Variants in PPP2R5E observed in about 807,000 individuals in gnomAD.
PPP2R5E encodes protein phosphatase 2 regulatory subunit B'epsilon.
PPP2R5E carries 4 observed loss-of-function variants against 65.3 expected under a neutral mutation model. The observed-to-expected ratio is 0.06, with a 90% CI of 0.03 to 0.14. PPP2R5E has a LOEUF of 0.14. Ranked by LOEUF, PPP2R5E falls within the 10% of genes least tolerant of loss-of-function variation. The probability of loss-of-function intolerance (pLI) is 1.00; values close to 1 mark genes in which losing one functional copy is unlikely to be tolerated. For synonymous variants in PPP2R5E, 183 were observed against 187.4 expected, an observed-to-expected ratio of 0.98 and a Z score of 0.19; for missense variants, 274 against 556.1, an observed-to-expected ratio of 0.49 and a Z score of 5.10.
At chr14:63,396,533 T>C in intron 6 of PPP2R5E, 53 bp downstream of exon 6, 11 of 1,590,294 alleles carry the variant, frequency 6.9e-6, no homozygotes, top group Non-Finnish European at 9.4e-6. Flanking sequence ...TACTTAATAC[T>C]CATAAAAACA....
intron 2 of PPP2R5E, among the ~76,000 whole-genome samples, chr14:63,494,531 G>A (rs559726829): frequency 6.7e-6 from 1 of 150,192 alleles, no homozygotes; most frequent in African/African-American, 2.5e-5. Flanking sequence ...CACCGCGCCC[G>A]GCTGTACAGC....
At chr14:63,503,101 A>C (rs1036764683) in intron 2 of PPP2R5E, among the ~76,000 whole-genome samples, 1 of 152,208 alleles carries the variant, frequency 6.6e-6, no homozygotes, top group African/African-American at 2.4e-5. Context: ...AGCAATACAG[A>C]CCATAAATAA....
chr14:63,419,930 G>C (rs1038015855), intron 4 of PPP2R5E, among the ~76,000 whole-genome samples: 6 of 152,162 alleles, frequency 3.9e-5, no homozygotes, highest in African/African-American at 1.4e-4. Flanking sequence ...TAATATTCCT[G>C]CAGTAATGAC....
At chr14:63,457,598 G>A (rs1241266653) in intron 2 of PPP2R5E, among the ~76,000 whole-genome samples, 2 of 152,172 alleles carry the variant, frequency 1.3e-5, no homozygotes, top group South Asian at 4.1e-4. Context: ...ACCAGGCAGT[G>A]GATGCTTCCG....
At chr14:63,399,537 A>G (rs951777373) in intron 5 of PPP2R5E, among the ~76,000 whole-genome samples, 6 of 151,576 alleles carry the variant, frequency 4.0e-5, no homozygotes, top group African/African-American at 1.5e-4. Flanking sequence ...GATGATAAAA[A>G]CATCCTGCAA....
rs964853433 is a variant in PPP2R5E at position 63,393,746 on chromosome 14, A to C, written c.849+74T>G. ...AAACCAAAAAAACAAAATGAAGGTT[A>C]TATCAATATCAAAAAAACGAGTTTG... On this transcript the variant is annotated intron_variant, in intron 8 of 13. Transcript: ENST00000337537. The C allele has an allele frequency of 1.6e-5, 16 of 1,000,358 alleles. No individual in the cohort carries two copies. In the Admixed American group the frequency reaches 2.8e-4, roughly 18 times the overall value. 62.0% of individuals were successfully genotyped at this position (1,000,358 alleles called of 1,614,324 possible).
At chr14:63,477,272 A>G (rs1890457472) in intron 2 of PPP2R5E, among the ~76,000 whole-genome samples, 1 of 152,190 alleles carries the variant, frequency 6.6e-6, no homozygotes, top group African/African-American at 2.4e-5. Context: ...TAGTAATATT[A>G]AATAATATAA....
chr14:63,391,626 T>C (rs1049803541), intron 10 of PPP2R5E, among the ~76,000 whole-genome samples, 191 bp downstream of exon 10: 4 of 152,188 alleles, frequency 2.6e-5, no homozygotes, highest in Non-Finnish European at 5.9e-5. Context: ...TTTCTCCATG[T>C]TGGTCAGGCT....
chr14:63,393,938 A>C lies in PPP2R5E; in HGVS notation c.741-10T>G. ...AAAGCCATTGATAATACTAGGGAGA[A>C]AAAAGAGACACAAATTAGCAATGTT... is the stretch of plus-strand genomic sequence containing the variant. On this transcript the variant is annotated splice_polypyrimidine_tract_variant and intron_variant, in intron 7 of 13. Transcript: ENST00000337537. 1 of 1,492,492 alleles carries C rather than the reference A, an allele frequency of 6.7e-7. No homozygotes were observed. The highest frequency in any genetic ancestry group is 9.3e-7 in the Non-Finnish European group (1 of 1,071,870). The allele number at this position is 1,492,492 out of a possible 1,614,324, so 92.5% of individuals were successfully genotyped here. A position where few individuals can be genotyped will look rare whatever the true frequency, so the allele number is the denominator to read the frequency against.
chr14:63,539,490 C>G (rs773580289), intron 2 of PPP2R5E, 39 bp downstream of exon 2: 1 of 1,586,210 alleles, frequency 6.3e-7, no homozygotes, highest in African/African-American at 1.4e-5. Context: ...GTAGAAAGAT[C>G]AATTGAAAAA....
At chr14:63,445,205 C>T (rs1287113338) in intron 3 of PPP2R5E, among the ~76,000 whole-genome samples, 4 of 152,182 alleles carry the variant, frequency 2.6e-5, no homozygotes, top group Admixed American at 6.5e-5. Context: ...TTTTGCTTTA[C>T]AGGCACACCT....
chr14:63,387,023 A>C (rs1884714077), intron 11 of PPP2R5E, among the ~76,000 whole-genome samples: 1 of 152,134 alleles, frequency 6.6e-6, no homozygotes, highest in Non-Finnish European at 1.5e-5. Context: ...GAGGGCATTA[A>C]GGAAAGGAGG....
Position 63,371,652 on chromosome 14 carries a change from G to A in PPP2R5E, c.*4357C>T, listed in dbSNP as rs1883694834. 1 of 152,038 alleles carries A rather than the reference G, an allele frequency of 6.6e-6. No individual in the cohort carries two copies. The highest frequency in any genetic ancestry group is 2.4e-5 in the African/African-American group (1 of 41,386). The allele number at this position is 152,038 out of a possible 1,614,324, so 9.4% of individuals were successfully genotyped here. On this transcript the variant is annotated 3_prime_UTR_variant, in exon 14 of 14. Transcript: ENST00000337537. ...GTGGATCAGAAGTCTTCACTGTCTG[G>A]TTGAACCAGTCTATAATTTTCATAT... is the stretch of plus-strand genomic sequence containing the variant.
At chr14:63,377,295 T>A (rs1405238143) in intron 13 of PPP2R5E, among the ~76,000 whole-genome samples, 10 of 152,312 alleles carry the variant, frequency 6.6e-5, no homozygotes, top group Non-Finnish European at 1.3e-4. Context: ...GATTAAAACT[T>A]CAGCCACAGT....
chr14:63,539,488 A>T (rs1479982941), intron 2 of PPP2R5E, 41 bp downstream of exon 2: 2 of 1,586,962 alleles, frequency 1.3e-6, no homozygotes, highest in South Asian at 2.3e-5. Flanking sequence ...ATGTAGAAAG[A>T]TCAATTGAAA....
intron 5 of PPP2R5E, among the ~76,000 whole-genome samples, chr14:63,402,435 A>G (rs768338676): frequency 3.3e-5 from 5 of 152,228 alleles, no homozygotes; most frequent in Non-Finnish European, 7.3e-5. Flanking sequence ...AGATCACCAG[A>G]TATTTTAACA....
intron 1 of PPP2R5E, among the ~76,000 whole-genome samples, chr14:63,540,398 T>C (rs1594987284): frequency 8.0e-6 from 1 of 124,790 alleles, no homozygotes; most frequent in African/African-American, 3.2e-5. Context: ...ACCACTGCAC[T>C]CCAGCCTGGG....
chr14:63,505,209 C>T (rs995551033), intron 2 of PPP2R5E, among the ~76,000 whole-genome samples: 6 of 152,100 alleles, frequency 3.9e-5, no homozygotes, highest in Non-Finnish European at 8.8e-5. Context: ...TTTGCTTGAA[C>T]CCCAGCAGCC....
rs532619769 is a variant in PPP2R5E, at chr14:63,505,179, A to C, written c.157+34350T>G. Among the ~76,000 whole-genome samples, 11 of 152,256 alleles carry C rather than the reference A, an allele frequency of 7.2e-5. No homozygotes were observed. The South Asian group carries it at 2.3e-3, about 32-fold the overall frequency. ...GTGAAACCCTGCCTCTACTAAAAAT[A>C]CAAAAATTAGCCGGACATGTTTGCT... On this transcript the variant is annotated intron_variant, in intron 2 of 13. Transcript: ENST00000337537.
Sources: gnomAD v4.1 joint callset for allele counts (sites outside exome capture counted in the v4.1 genomes callset) on GRCh38, gnomAD v4.1.1 for gene constraint, MANE v1.5 for transcripts, NCBI Gene and HGNC (gene_info 2026-07-23, HGNC 2026-07-21) for gene names.